The following RIT2 variants were observed in gnomAD, a reference collection of about 807,000 sequenced individuals.
RIT2 encodes the protein Ras like without CAAX 2, also known as GTP-binding protein Rit2.
RIT2 carries 24 observed loss-of-function variants against 23.7 expected under a neutral mutation model. The ratio of observed to expected loss-of-function variants is 1.01; its 90% CI spans 0.73 to 1.43. RIT2 has a LOEUF of 1.43. Ranked by LOEUF, RIT2 falls within the 40% of genes most tolerant of loss-of-function variation. The probability of loss-of-function intolerance (pLI) is 0.00; values close to 1 mark genes in which losing one functional copy is unlikely to be tolerated. For missense variants in RIT2, 236 were observed against 266.9 expected (o/e 0.88, Z 0.81); for synonymous variants, 107 against 91.1 (o/e 1.17, Z -0.99).
intron 1 of RIT2, among the ~76,000 whole-genome samples, chr18:43,101,454 A>G (rs1913682719): frequency 6.6e-6 from 1 of 152,218 alleles, no homozygotes; most frequent in Non-Finnish European, 1.5e-5. Flanking sequence ...ACATAAAGGT[A>G]TATAAATTAT....
At chr18:43,066,752 A>G (rs1467067769) in intron 1 of RIT2, among the ~76,000 whole-genome samples, 2 of 152,128 alleles carry the variant, frequency 1.3e-5, no homozygotes, top group Non-Finnish European at 2.9e-5. Flanking sequence ...AGCATTAAGC[A>G]ATGCATACAA....
intron 2 of RIT2, among the ~76,000 whole-genome samples, chr18:43,014,542 C>A (rs986792133): frequency 5.9e-5 from 9 of 151,492 alleles, no homozygotes; most frequent in African/African-American, 2.2e-4. Context: ...ACTCTGGAGA[C>A]TTTTTTTCTA....
chr18:42,987,512 A>T (rs1910738780), intron 2 of RIT2, among the ~76,000 whole-genome samples: 1 of 152,240 alleles, frequency 6.6e-6, no homozygotes, highest in Non-Finnish European at 1.5e-5. Context: ...TATACAACAA[A>T]AACACACTGG....
chr18:42,964,513 A>C (rs1910166515), intron 3 of RIT2, among the ~76,000 whole-genome samples: 1 of 152,098 alleles, frequency 6.6e-6, no homozygotes, highest in Non-Finnish European at 1.5e-5. Context: ...CACCTGACAC[A>C]ATGCCTATTT....
At chr18:43,023,938 C>A (rs1471926284) in intron 2 of RIT2, among the ~76,000 whole-genome samples, 1 of 151,642 alleles carries the variant, frequency 6.6e-6, no homozygotes, top group African/African-American at 2.4e-5. Context: ...GAAAAGTATT[C>A]CAGGAAAGGA....
intron 3 of RIT2, among the ~76,000 whole-genome samples, chr18:42,969,463 A>G (rs779021395): frequency 1.1e-4 from 17 of 152,164 alleles, no homozygotes; most frequent in Non-Finnish European, 2.5e-4. Context: ...AAGACACTTT[A>G]GAGATCAAGT....
chr18:42,815,818 T>C (rs1386695740), intron 4 of RIT2, among the ~76,000 whole-genome samples: 3 of 152,168 alleles, frequency 2.0e-5, no homozygotes. Context: ...AATCCAATTA[T>C]GTAGCAATCA....
chr18:42,991,245 T>A (rs66935716), intron 2 of RIT2, among the ~76,000 whole-genome samples: 17,377 of 152,102 alleles, frequency 0.11, 1,346 homozygotes, highest in East Asian at 0.41. Context: ...AATGAAAATG[T>A]TGATTCAAAT....
At chr18:42,874,421 A>G (rs73471640) in intron 4 of RIT2, among the ~76,000 whole-genome samples, 4,500 of 152,248 alleles carry the variant, frequency 0.03, 219 homozygotes, top group African/African-American at 0.1. Flanking sequence ...ACTGTTTTGC[A>G]TAAACACAAC....
chr18:43,087,472 T>A (rs147880711), intron 1 of RIT2, among the ~76,000 whole-genome samples: 16 of 152,238 alleles, frequency 1.1e-4, no homozygotes, highest in Non-Finnish European at 1.5e-4. Flanking sequence ...CCCTTTGAGA[T>A]TCAAACAAGT....
At chr18:42,942,366 G>A (rs879428861) in intron 3 of RIT2, among the ~76,000 whole-genome samples, 2 of 152,018 alleles carry the variant, frequency 1.3e-5, no homozygotes, top group African/African-American at 2.4e-5. Flanking sequence ...ACTCAGTATC[G>A]GAAGCCTCTC....
chr18:42,988,388 T>C (rs1249018403), intron 2 of RIT2, among the ~76,000 whole-genome samples: 1 of 152,198 alleles, frequency 6.6e-6, no homozygotes. Flanking sequence ...CTCTAGTCTA[T>C]AACAATTGTA....
chr18:42,854,363 C>T (rs1357797705), intron 4 of RIT2, among the ~76,000 whole-genome samples: 2 of 152,070 alleles, frequency 1.3e-5, no homozygotes, highest in South Asian at 4.1e-4. Context: ...AGATAGTAAG[C>T]TTATAATAAG....
At chr18:43,099,392 G>A (rs1913629951) in intron 1 of RIT2, among the ~76,000 whole-genome samples, 1 of 151,928 alleles carries the variant, frequency 6.6e-6, no homozygotes, top group Non-Finnish European at 1.5e-5. Context: ...AGTAACGTAA[G>A]TTTGCATTTT....
chr18:42,970,838 G>T (rs928608353), intron 3 of RIT2, among the ~76,000 whole-genome samples: 1 of 151,728 alleles, frequency 6.6e-6, no homozygotes. Flanking sequence ...ATTTTGGAAA[G>T]CTCCCACATC....
intron 1 of RIT2, among the ~76,000 whole-genome samples, chr18:43,064,782 A>G (rs980343713): frequency 1.3e-5 from 2 of 152,126 alleles, no homozygotes; most frequent in African/African-American, 4.8e-5. Flanking sequence ...CAAAAATTTT[A>G]TATTCTGTAT....
chr18:43,048,893 T>A (rs1481344783), intron 1 of RIT2, among the ~76,000 whole-genome samples: 3 of 152,182 alleles, frequency 2.0e-5, no homozygotes, highest in African/African-American at 7.2e-5. Flanking sequence ...TTGTTCATTT[T>A]TCTGTTGTTT....
At chr18:42,908,733 G>C (rs1568027604) in intron 4 of RIT2, among the ~76,000 whole-genome samples, 2 of 152,098 alleles carry the variant, frequency 1.3e-5, no homozygotes, top group Non-Finnish European at 2.9e-5. Flanking sequence ...GGGAAATTGA[G>C]AGAATTTGTT....
intron 4 of RIT2, among the ~76,000 whole-genome samples, chr18:42,814,749 A>G (rs1905946960): frequency 6.6e-6 from 1 of 152,178 alleles, no homozygotes; most frequent in Non-Finnish European, 1.5e-5. Flanking sequence ...ACCTCCTGGC[A>G]GGAGGCCAAC....
Sources: allele counts gnomAD v4.1 joint callset (sites outside exome capture counted in the v4.1 genomes callset), GRCh38; gene constraint gnomAD v4.1.1; transcripts MANE v1.5; gene names NCBI Gene and HGNC (gene_info 2026-07-23, HGNC 2026-07-21).